The following CCDC102A variants were observed in gnomAD, a reference collection of about 807,000 sequenced individuals.
CCDC102A encodes coiled-coil domain containing 102A, also known as coiled-coil domain-containing protein 102A.
Under a neutral mutation model 55.5 loss-of-function variants are expected in CCDC102A, and 40 were observed. The ratio of observed to expected loss-of-function variants is 0.72; its 90% CI spans 0.56 to 0.94. The LOEUF (loss-of-function observed/expected upper bound fraction) is 0.94. Among genes scored for constraint, CCDC102A ranks in the 40% least tolerant of loss-of-function variants. The pLI is 0.00. For synonymous variants in CCDC102A, 323 were observed against 339.0 expected (o/e 0.95, Z 0.52); for missense variants, 779 against 768.6 (o/e 1.01, Z -0.16).
chr16:57,531,132 C>T (rs2032252133), intron 1 of CCDC102A, among the ~76,000 whole-genome samples: 1 of 152,090 alleles, frequency 6.6e-6, no homozygotes. Context: ...AGTCCCTCTC[C>T]AGCCCAGGTT....
At chr16:57,520,593 TAAATAAAATAAAATAAATAAAATA>T (rs1412650684) in intron 4 of CCDC102A, among the ~76,000 whole-genome samples, 19 of 114,550 alleles carry the variant, frequency 1.7e-4, no homozygotes, top group African/African-American at 6.8e-4. Flanking sequence ...TAACATAACA[TAAATAAAATAAAATAAATAAAATA>T]AAATAAAATA....
At chr16:57,522,666 G>A (rs561597680) in intron 3 of CCDC102A, among the ~76,000 whole-genome samples, 10 of 152,320 alleles carry the variant, frequency 6.6e-5, no homozygotes, top group African/African-American at 2.4e-4. Context: ...TGCATGAGCC[G>A]CCTTTGTAGC....
chr16:57,515,195 GC>G (rs1461339480), intron 8 of CCDC102A, 145 bp downstream of exon 8: 11 of 650,740 alleles, frequency 1.7e-5, no homozygotes, highest in Non-Finnish European at 2.8e-5. Context: ...GGCCCTTCCT[GC>G]CCGGAGGGGA....
chr16:57,524,361 C>G (rs576688279), intron 3 of CCDC102A, among the ~76,000 whole-genome samples: 1 of 152,116 alleles, frequency 6.6e-6, no homozygotes, highest in East Asian at 1.9e-4. Flanking sequence ...ACCACCTCCC[C>G]ACAATGTGAG....
Position 57,518,154 on chromosome 16 carries a change from C to A in CCDC102A, c.1162G>T (p.Ala388Ser), listed in dbSNP as rs2031988732. The A allele has an allele frequency of 5.0e-6, 8 of 1,611,716 alleles. No homozygotes were observed. Among genetic ancestry groups the A allele is most frequent in the Non-Finnish European group, 6.8e-6 (8 of 1,179,846 alleles). Reference protein sequence around the residue: ...LRAQVGDLEEALARRRRQTAS... With the variant: ...LRAQVGDLEESLARRRRQTAS... Reference sequence around the variant, plus strand: ...GTTTGCCGCCGCCGCCGGGCCAGCGCCTCCTCCAGGTCTCCGACCTGTGCC... The same window carrying A: ...GTTTGCCGCCGCCGCCGGGCCAGCGACTCCTCCAGGTCTCCGACCTGTGCC... The change falls in exon 6 of 9, where the codon GCG (alanine) becomes TCG (serine). Residue 388 changes from alanine (A) to serine (S), a missense_variant. Physicochemically the swap from Ala to Ser is moderately conservative, Grantham distance 99. Transcript: ENST00000258214.
chr16:57,513,745 A>C (rs1274397309), intron 8 of CCDC102A, among the ~76,000 whole-genome samples: 1 of 152,238 alleles, frequency 6.6e-6, no homozygotes, highest in Non-Finnish European at 1.5e-5. Context: ...AGAGCCAGCC[A>C]GGCATGGGTC....
At chr16:57,535,286 G>A (rs2032349847) in intron 1 of CCDC102A, among the ~76,000 whole-genome samples, 1 of 152,180 alleles carries the variant, frequency 6.6e-6, no homozygotes, top group African/African-American at 2.4e-5. Flanking sequence ...CCTCCAGGCT[G>A]GACCTAAGCC....
chr16:57,536,219 G>T (rs1216343594), intron 1 of CCDC102A, among the ~76,000 whole-genome samples: 2 of 134,506 alleles, frequency 1.5e-5, no homozygotes, highest in Admixed American at 7.2e-5. Context: ...GCCCCCTCCC[G>T]TCCGGCCCGG....
chr16:57,535,862 G>A (rs1368833768), intron 1 of CCDC102A, among the ~76,000 whole-genome samples: 2 of 152,074 alleles, frequency 1.3e-5, no homozygotes, highest in African/African-American at 4.8e-5. Context: ...ACCCCCACAA[G>A]AGCCCTGGGA....
At chr16:57,517,362 T>A (rs1258238080) in intron 6 of CCDC102A, among the ~76,000 whole-genome samples, 1 of 152,176 alleles carries the variant, frequency 6.6e-6, no homozygotes, top group African/African-American at 2.4e-5. Flanking sequence ...TATTATTATT[T>A]TTTTGAGACG....
At position 57,529,772 on chromosome 16, in the gene CCDC102A, C is replaced by T. The variant is rs1247626906; in HGVS notation, c.-147-448G>A. On this transcript the variant is annotated intron_variant, in intron 1 of 8. Coordinates refer to ENST00000258214, the MANE Select transcript of CCDC102A (RefSeq NM_033212.4). This position sits in a 1 kb window ranked among gnomAD's most constrained non-coding sequence, Gnocchi z 4.1. ...CTCCTGGAGCACTTCAGGCCAGGTC[C>T]ATCAGCCCCTTATGTGTCTCCATCA... Among the ~76,000 whole-genome samples, 1 of 152,178 alleles carries T rather than the reference C, an allele frequency of 6.6e-6. No homozygotes were observed. The highest frequency in any genetic ancestry group is 1.5e-5 in the Non-Finnish European group (1 of 68,032).
chr16:57,526,655 C>A (rs555536540), intron 2 of CCDC102A, among the ~76,000 whole-genome samples: 2 of 151,816 alleles, frequency 1.3e-5, no homozygotes, highest in Non-Finnish European at 2.9e-5. Flanking sequence ...TCCTGCCCTT[C>A]TTCTCCGCCC....
At position 57,526,138 on chromosome 16, in the gene CCDC102A, C is replaced by T. The variant is rs749477767; in HGVS notation, c.586-11G>A. 1 of 1,524,014 alleles carries T rather than the reference C, an allele frequency of 6.6e-7. No individual in the cohort carries two copies. Among genetic ancestry groups the T allele is most frequent in the Non-Finnish European group, 8.8e-7 (1 of 1,142,324 alleles). The allele number at this position is 1,524,014 out of a possible 1,614,324, so 94.4% of individuals were successfully genotyped here. A position where few individuals can be genotyped will look rare whatever the true frequency, so the allele number is the denominator to read the frequency against. Reference sequence around the variant, plus strand: ...CACCAGCTCCAGTTCCTGCGGGGACCAAGGTGGAGGCTGGACCAGTGGCCG... The same window carrying T: ...CACCAGCTCCAGTTCCTGCGGGGACTAAGGTGGAGGCTGGACCAGTGGCCG... On this transcript the variant is annotated splice_polypyrimidine_tract_variant and intron_variant, in intron 2 of 8. Coordinates refer to ENST00000258214, the MANE Select transcript of CCDC102A (RefSeq NM_033212.4).
In CCDC102A at chr16:57,516,217, A is replaced by C; in HGVS notation, c.1419+76T>G. ...AGGCACCAGGGGCTGAGAATGGAGA[A>C]GCCAGGATGGCCCTGCGGCCCCCAC... On this transcript the variant is annotated intron_variant, in intron 7 of 8. Coordinates refer to ENST00000258214, the MANE Select transcript of CCDC102A (RefSeq NM_033212.4). This position sits in a 1 kb window ranked among gnomAD's most constrained non-coding sequence, Gnocchi z 4.4. The C allele has an allele frequency of 6.8e-7, 1 of 1,463,748 alleles. No individual in the cohort carries two copies. Among genetic ancestry groups the C allele is most frequent in the South Asian group, 1.2e-5 (1 of 81,584 alleles). The allele number at this position is 1,463,748 out of a possible 1,614,324, so 90.7% of individuals were successfully genotyped here.
chr16:57,518,343 C>T, intron 5 of CCDC102A, 66 bp from the exon 6 acceptor site: 1 of 1,458,982 alleles, frequency 6.9e-7, no homozygotes, highest in Non-Finnish European at 9.3e-7. Flanking sequence ...GAGCTGGATG[C>T]CCCCGCCACC....
chr16:57,512,679 G>A lies in CCDC102A; in HGVS notation c.*62C>T. The A allele has an allele frequency of 6.4e-7, 1 of 1,553,780 alleles. No individual in the cohort carries two copies. Among genetic ancestry groups the A allele is most frequent in the Non-Finnish European group, 8.7e-7 (1 of 1,149,610 alleles). ...CCTAGGCACTGCATCAGTTTGAGTG[G>A]CTGGTTAGCCTGGACCCTGGGCAGG... On this transcript the variant is annotated 3_prime_UTR_variant, in exon 9 of 9. Coordinates refer to ENST00000258214, the MANE Select transcript of CCDC102A (RefSeq NM_033212.4).
At position 57,515,417 on chromosome 16, in the gene CCDC102A, T is replaced by G; in HGVS notation, c.1447A>C (p.Lys483Gln). Residue 483 changes from lysine (K) to glutamine (Q), a missense_variant, in exon 8 of 9, where the codon AAG becomes CAG. Lys to Gln is a moderately conservative substitution (Grantham distance 53). Transcript: ENST00000258214. ...ELDEAHNQARKLQRSLDEQTE... is the reference protein window; with the variant it reads ...ELDEAHNQARQLQRSLDEQTE... ...TGCTCGTCCAGCGACCGCTGCAGCT[T>G]ACGTGCCTGGTTGTGGGCCTCGTCC... 1 of 1,607,974 alleles carries G rather than the reference T, an allele frequency of 6.2e-7. No homozygotes were observed. Among genetic ancestry groups the G allele is most frequent in the Non-Finnish European group, 8.5e-7 (1 of 1,178,802 alleles).
chr16:57,524,668 A>G (rs144394016), intron 3 of CCDC102A, among the ~76,000 whole-genome samples: 2,841 of 152,234 alleles, frequency 0.019, 41 homozygotes, highest in East Asian at 0.061. Flanking sequence ...GGAATCCCAA[A>G]GTGCTATGAT....
chr16:57,528,877 T>C lies in CCDC102A; in HGVS notation c.301A>G (p.Thr101Ala), dbSNP rs750848405. 3.6e-6 allele frequency: 5 copies of C among 1,380,986 alleles called. No homozygotes were observed. The highest frequency in any genetic ancestry group is 1.4e-5 in the South Asian group (1 of 73,660). The allele number at this position is 1,380,986 out of a possible 1,614,324, so 85.5% of individuals were successfully genotyped here. The change falls in exon 2 of 9, where the codon ACT becomes GCT. Residue 101 changes from threonine (T) to alanine (A), a missense_variant. Physicochemically the swap from Thr to Ala is moderately conservative, Grantham distance 58. Transcript: ENST00000258214. ...EKTMRRWSDC[T>A]ANWREKWSKV... ...CTCCATTTCTCGCGCCAATTGGCAG[T>C]GCAGTCCGACCACCGGCGCATGGTC...
Sources: gnomAD v4.1 joint callset for allele counts (sites outside exome capture counted in the v4.1 genomes callset) on GRCh38, gnomAD v4.1.1 for gene constraint, Gnocchi (gnomAD v3.1) non-coding constraint, MANE v1.5 for transcripts, NCBI Gene and HGNC (gene_info 2026-07-23, HGNC 2026-07-21) for gene names.